Variants in SMCR8 observed in about 807,000 individuals in gnomAD.
The protein encoded by SMCR8 is SMCR8-C9orf72 complex subunit.
Under a neutral mutation model 56.6 loss-of-function variants are expected in SMCR8, and 30 were observed. The ratio of observed to expected loss-of-function variants is 0.53; its 90% confidence interval spans 0.40 to 0.72. SMCR8 has a LOEUF of 0.72. Ranked by LOEUF, SMCR8 falls within the 30% of genes least tolerant of loss-of-function variation. SMCR8 has a pLI of 0.00. For synonymous variants in SMCR8, 538 were observed against 456.0 expected (o/e 1.18, Z -2.29); for missense variants, 1,198 against 1,157.0 (o/e 1.04, Z -0.51).
Position 18,315,771 on chromosome 17 carries a change from TC to T in SMCR8, c.-18del, listed in dbSNP as rs1475205329. ...TCTTTCCCACTTCCTCTCAATGTTT[TC>T]TTCATATATCTGGAAATATGATCAG... On this transcript the variant is annotated 5_prime_UTR_variant, in exon 1 of 2. Transcript: ENST00000406438. 6.4e-7 allele frequency: 1 copy of T among 1,558,634 alleles called. No homozygotes were observed.
intron 1 of SMCR8, among the ~76,000 whole-genome samples, chr17:18,321,270 T>TTC (rs1982488732): frequency 6.6e-6 from 1 of 152,064 alleles, no homozygotes; most frequent in South Asian, 2.1e-4. Context: ...AGGAGGGTGT[T>TTC]TAAGGAACCG....
At position 18,316,574 on chromosome 17, in the gene SMCR8, A is replaced by T. The variant is rs1436200706; in HGVS notation, c.785A>T (p.Lys262Met). The change falls in exon 1 of 2, where the codon AAG (lysine) becomes ATG (methionine). Residue 262 changes from lysine (K) to methionine (M), a missense_variant. Physicochemically the swap from Lys to Met is moderately conservative, Grantham distance 95. Coordinates refer to ENST00000406438, the MANE Select transcript of SMCR8 (RefSeq NM_144775.3). ...CGCTCATACCCTCATCGGAAGTTGA[A>T]GGGGCATGATTTGTGTCCTGGTGAG... is the stretch of plus-strand genomic sequence containing the variant. ...QIRSYPHRKL[K>M]GHDLCPGEME... 6.2e-7 allele frequency: 1 copy of T among 1,614,176 alleles called. No individual in the cohort carries two copies. The highest frequency in any genetic ancestry group is 1.7e-5 in the Admixed American group (1 of 60,018).
rs149158913 is a variant in SMCR8 at position 18,327,641 on chromosome 17, T to A, written c.*4571T>A. 2 of 152,358 alleles carry A rather than the reference T, an allele frequency of 1.3e-5. No homozygotes were observed. Among genetic ancestry groups the A allele is most frequent in the African/African-American group, 4.8e-5 (2 of 41,576 alleles). The allele number at this position is 152,358 out of a possible 1,614,324, so 9.4% of individuals were successfully genotyped here. A position where few individuals can be genotyped will look rare whatever the true frequency, so the allele number is the denominator to read the frequency against. ...ATAAATGCCACCTTCAAGGTTGCAG[T>A]GAAAAGCATAATCCTATGTGATGAA... On this transcript the variant is annotated 3_prime_UTR_variant, in exon 2 of 2. Transcript: ENST00000406438.
chr17:18,327,864 T>A lies in SMCR8; in HGVS notation c.*4794T>A, dbSNP rs1408690039. ...CAGAGTCAATGCCAAACACATAGTA[T>A]GAGAAGTGTACTTTTTAAGAAATTA... On this transcript the variant is annotated 3_prime_UTR_variant, in exon 2 of 2. Coordinates refer to ENST00000406438, the MANE Select transcript of SMCR8 (RefSeq NM_144775.3). The A allele has an allele frequency of 6.6e-6, 1 of 152,586 alleles. No homozygotes were observed. Among genetic ancestry groups the A allele is most frequent in the Non-Finnish European group, 1.5e-5 (1 of 68,038 alleles). 9.5% of individuals were successfully genotyped at this position (152,586 alleles called of 1,614,324 possible).
Position 18,317,363 on chromosome 17 carries a change from C to G in SMCR8, c.1574C>G (p.Ser525Cys). 6.2e-7 allele frequency: 1 copy of G among 1,614,168 alleles called. No individual in the cohort carries two copies. The highest frequency in any genetic ancestry group is 1.7e-5 in the Admixed American group (1 of 60,024). ...DSIEVLSTCP[S>C]EALIPDDFKA... Reference sequence around the variant, plus strand: ...ATTGAAGTCCTCAGTACCTGCCCCTCTGAGGCCCTCATCCCTGATGACTTT... The same window carrying G: ...ATTGAAGTCCTCAGTACCTGCCCCTGTGAGGCCCTCATCCCTGATGACTTT... The change falls in exon 1 of 2, where the codon TCT becomes TGT. Residue 525 changes from serine to cysteine, a missense_variant. Coordinates refer to ENST00000406438, the MANE Select transcript of SMCR8 (RefSeq NM_144775.3).
At position 18,317,947 on chromosome 17, in the gene SMCR8, G is replaced by T; in HGVS notation, c.2158G>T (p.Ala720Ser). The change falls in exon 1 of 2, where the codon GCC (alanine) becomes TCC (serine). Residue 720 changes from alanine (A) to serine (S), a missense_variant. By Grantham distance (99) the Ala-to-Ser change is moderately conservative (BLOSUM62 1). Coordinates refer to ENST00000406438, the MANE Select transcript of SMCR8 (RefSeq NM_144775.3). ...AAAATTCATCCGCCAGTACCCCTTT[G>T]CCCACCCAGCCATCTACTCCCTGCT... ...ALKFIRQYPF[A>S]HPAIYSLLSG... The T allele has an allele frequency of 1.9e-6, 3 of 1,614,206 alleles. No homozygotes were observed. Among genetic ancestry groups the T allele is most frequent in the Non-Finnish European group, 1.7e-6 (2 of 1,180,040 alleles).
At position 18,326,723 on chromosome 17, in the gene SMCR8, A is replaced by C. The variant is rs1360003114; in HGVS notation, c.*3653A>C. Reference sequence around the variant, plus strand: ...CCAGGGCGGCTGCAGTTGGAGGCCGAGGGCAGCCCTCTGCTCACTGAATGT... The same window carrying C: ...CCAGGGCGGCTGCAGTTGGAGGCCGCGGGCAGCCCTCTGCTCACTGAATGT... On this transcript the variant is annotated 3_prime_UTR_variant, in exon 2 of 2. Coordinates refer to ENST00000406438, the MANE Select transcript of SMCR8 (RefSeq NM_144775.3). The C allele has an allele frequency of 6.6e-6, 1 of 152,302 alleles. No individual in the cohort carries two copies. Among genetic ancestry groups the C allele is most frequent in the Non-Finnish European group, 1.5e-5 (1 of 68,066 alleles). 9.4% of individuals were successfully genotyped at this position (152,302 alleles called of 1,614,324 possible). A position where few individuals can be genotyped will look rare whatever the true frequency, so the allele number is the denominator to read the frequency against.
rs1231229173 is a variant in SMCR8, at chr17:18,328,028, G to A, written c.*4958G>A. On this transcript the variant is annotated 3_prime_UTR_variant, in exon 2 of 2. Transcript: ENST00000406438. ...CATCTATGTTTTGCACTTCAGCTAC[G>A]TGAAAATAAAATTTCTTTGGGAAGG... 8 of 152,534 alleles carry A rather than the reference G, an allele frequency of 5.2e-5. No homozygotes were observed. Among genetic ancestry groups the A allele is most frequent in the Admixed American group, 2.6e-4 (4 of 15,268 alleles). 9.4% of individuals were successfully genotyped at this position (152,534 alleles called of 1,614,324 possible).
chr17:18,318,162 A>G lies in SMCR8; in HGVS notation c.2360+13A>G. 3 of 1,606,340 alleles carry G rather than the reference A, an allele frequency of 1.9e-6. No homozygotes were observed. The South Asian group carries it at 3.3e-5, about 18-fold the overall frequency. ...TTGGCTTGCAGAGGTAACTGGTTCC[A>G]GGTGGTGGGGAAGGGCCTTGGCCAG... is the stretch of plus-strand genomic sequence containing the variant. On this transcript the variant is annotated intron_variant, in intron 1 of 1. Coordinates refer to ENST00000406438, the MANE Select transcript of SMCR8 (RefSeq NM_144775.3).
Position 18,315,599 on chromosome 17 carries a change from C to T in SMCR8, c.-191C>T. 1.7e-6 allele frequency: 1 copy of T among 574,066 alleles called. No individual in the cohort carries two copies. Among genetic ancestry groups the T allele is most frequent in the Non-Finnish European group, 3.1e-6 (1 of 325,560 alleles). 35.6% of individuals were successfully genotyped at this position (574,066 alleles called of 1,614,324 possible). A position where few individuals can be genotyped will look rare whatever the true frequency, so the allele number is the denominator to read the frequency against. On this transcript the variant is annotated 5_prime_UTR_variant, in exon 1 of 2. It introduces an in-frame stop codon into an upstream open reading frame of the 5' UTR. Coordinates refer to ENST00000406438, the MANE Select transcript of SMCR8 (RefSeq NM_144775.3). Reference sequence around the variant, plus strand: ...GCCTCAGAGAGCTCCGGAGGAGCTACAACTGTGAGGGGGCTGCTAGAGTTC... The same window carrying T: ...GCCTCAGAGAGCTCCGGAGGAGCTATAACTGTGAGGGGGCTGCTAGAGTTC...
Position 18,315,780 on chromosome 17 carries a change from ATC to A in SMCR8, c.-8_-7del. ...CTTCCTCTCAATGTTTTCTTCATAT[ATC>A]TGGAAATATGATCAGCGCCCCTGAC... On this transcript the variant is annotated 5_prime_UTR_variant, in exon 1 of 2. It adds an upstream start codon to the 5' untranslated region. Transcript: ENST00000406438. 1 of 1,569,470 alleles carries A rather than the reference ATC, an allele frequency of 6.4e-7. No homozygotes were observed. The highest frequency in any genetic ancestry group is 2.3e-5 in the East Asian group (1 of 44,234).
Position 18,317,146 on chromosome 17 carries a change from G to A in SMCR8, c.1357G>A (p.Glu453Lys), listed in dbSNP as rs1982334978. 1.9e-6 allele frequency: 3 copies of A among 1,614,056 alleles called. No homozygotes were observed. The highest frequency in any genetic ancestry group is 3.3e-5 in the Admixed American group (2 of 60,008). Residue 453 changes from glutamate (E) to lysine (K), a missense_variant, in exon 1 of 2, where the codon GAA becomes AAA. Physicochemically the swap from Glu to Lys is moderately conservative, Grantham distance 56. Coordinates refer to ENST00000406438, the MANE Select transcript of SMCR8 (RefSeq NM_144775.3). ...TGAGTTGAGCAGTTTCGACCCCCAG[G>A]AAAACTTGGACTACCTGGATATGGA... ...VTELSSFDPQ[E>K]NLDYLDMDMK... is the part of the protein sequence containing the mutation.
intron 1 of SMCR8, among the ~76,000 whole-genome samples, chr17:18,321,953 T>G (rs1182503503): frequency 6.6e-6 from 1 of 152,220 alleles, no homozygotes; most frequent in Non-Finnish European, 1.5e-5. Flanking sequence ...CTGAATATGC[T>G]TTAAATTAAG....
At position 18,315,815 on chromosome 17, in the gene SMCR8, C is replaced by T. The variant is rs780328904; in HGVS notation, c.26C>T (p.Ala9Val). The T allele has an allele frequency of 1.3e-6, 2 of 1,599,302 alleles. No individual in the cohort carries two copies. Among genetic ancestry groups the T allele is most frequent in the South Asian group, 1.1e-5 (1 of 90,438 alleles). The change falls in exon 1 of 2, where the codon GCC (alanine) becomes GTC (valine). Residue 9 changes from alanine to valine, a missense_variant. By Grantham distance (64) the Ala-to-Val change is moderately conservative. Transcript: ENST00000406438. ...ATGATCAGCGCCCCTGACGTAGTGGCCTTCACCAAAGAGGAAGAGTATGAA... is the reference window on the plus strand; with the variant it reads ...ATGATCAGCGCCCCTGACGTAGTGGTCTTCACCAAAGAGGAAGAGTATGAA... MISAPDVV[A>V]FTKEEEYEEE...
At position 18,316,437 on chromosome 17, in the gene SMCR8, G is replaced by A. The variant is rs1597997652; in HGVS notation, c.648G>A (p.Gln216=). 1 of 1,614,018 alleles carries A rather than the reference G, an allele frequency of 6.2e-7. No individual in the cohort carries two copies. The highest frequency in any genetic ancestry group is 8.5e-7 in the Non-Finnish European group (1 of 1,180,044). The stretch of plus-strand genomic sequence containing the variant: ...TGCTACACACAGAAACGGAGATCCA[G>A]AAGAAAGCCAACGACAAAGGCTTTT... ...RTVLHTETEI[Q]KKANDKGFYS... Residue 216 remains glutamine, a synonymous_variant, in exon 1 of 2, where the codon CAG becomes CAA. Coordinates refer to ENST00000406438, the MANE Select transcript of SMCR8 (RefSeq NM_144775.3).
In SMCR8 at chr17:18,324,495, T is replaced by C. The variant is rs558339267; in HGVS notation, c.*1425T>C. ...CTTCTTTAATTTGTTCCACAAAAAT[T>C]ATGCTGAAATGGACCTGAATCAGCC... On this transcript the variant is annotated 3_prime_UTR_variant, in exon 2 of 2. Transcript: ENST00000406438. 6.6e-6 allele frequency: 1 copy of C among 152,432 alleles called. No individual in the cohort carries two copies. Among genetic ancestry groups the C allele is most frequent in the South Asian group, 2.1e-4 (1 of 4,834 alleles). The allele number at this position is 152,432 out of a possible 1,614,324, so 9.4% of individuals were successfully genotyped here. A position where few individuals can be genotyped will look rare whatever the true frequency, so the allele number is the denominator to read the frequency against.
In SMCR8 at chr17:18,317,408, C is replaced by T. The variant is rs371499998; in HGVS notation, c.1619C>T (p.Ala540Val). 34 of 1,614,070 alleles carry T rather than the reference C, an allele frequency of 2.1e-5. No individual in the cohort carries two copies. The African/African-American group carries it at 4.0e-4, about 19-fold the overall frequency. Residue 540 changes from alanine to valine, a missense_variant, in exon 1 of 2, where the codon GCC (alanine) becomes GTC (valine). Physicochemically the swap from Ala to Val is moderately conservative, Grantham distance 64 (BLOSUM62 0). Transcript: ENST00000406438. ...PDDFKASYPS[A>V]INEEESYPDG... ...GACTTTAAGGCCAGCTACCCAAGTG[C>T]CATTAATGAAGAAGAATCATATCCA... is the stretch of plus-strand genomic sequence containing the variant.
chr17:18,316,678 A>G lies in SMCR8; in HGVS notation c.889A>G (p.Thr297Ala), dbSNP rs1292341433. Residue 297 changes from threonine to alanine, a missense_variant, in exon 1 of 2, where the codon ACC (threonine) becomes GCC (alanine). Transcript: ENST00000406438. ...TGAGTCTGCCGACACAGACCTTTAC[A>G]CCTGCAGACCAGCCTACACCCCAAA... ...PDESADTDLYTCRPAYTPKLI... is the reference protein window; with the variant it reads ...PDESADTDLYACRPAYTPKLI... The G allele has an allele frequency of 3.1e-6, 5 of 1,613,960 alleles. No individual in the cohort carries two copies. The East Asian group carries it at 8.9e-5, about 29-fold the overall frequency.
At position 18,324,689 on chromosome 17, in the gene SMCR8, A is replaced by G. The variant is rs1982599852; in HGVS notation, c.*1619A>G. 1 of 152,304 alleles carries G rather than the reference A, an allele frequency of 6.6e-6. No homozygotes were observed. The highest frequency in any genetic ancestry group is 2.4e-5 in the African/African-American group (1 of 41,474). 9.4% of individuals were successfully genotyped at this position (152,304 alleles called of 1,614,324 possible). ...AAGAGGGCTTGCATCACGTCACTCC[A>G]GTGGTTCCCTCCTTGTCCAAGTCCT... On this transcript the variant is annotated 3_prime_UTR_variant, in exon 2 of 2. Transcript: ENST00000406438.
Sources: gnomAD v4.1 joint callset for allele counts (sites outside exome capture counted in the v4.1 genomes callset) on GRCh38, gnomAD v4.1.1 for gene constraint, MANE v1.5 for transcripts, NCBI Gene and HGNC (gene_info 2026-07-23, HGNC 2026-07-21) for gene names.